THSD4: variants seen among roughly 807,000 people sequenced by gnomAD.
THSD4 encodes the protein thrombospondin type-1 domain-containing protein 4.
A neutral mutation model predicts 119.0 loss-of-function variants in THSD4; 69 were observed. The observed-to-expected ratio is 0.58, with a 90% CI of 0.48 to 0.71. The LOEUF is 0.71. Among genes scored for constraint, THSD4 ranks in the 30% least tolerant of loss-of-function variants. The pLI is 0.00. For missense variants in THSD4, 1,393 were observed against 1,391.1 expected (o/e 1.00, Z -0.02); for synonymous variants, 524 against 540.4 (o/e 0.97, Z 0.42).
chr15:71,216,099 A>G (rs1408285258), intron 4 of THSD4, among the ~76,000 whole-genome samples: 1 of 152,250 alleles, frequency 6.6e-6, no homozygotes, highest in Non-Finnish European at 1.5e-5. Flanking sequence ...AGCAATAGAT[A>G]CTAACAGATC....
At chr15:71,289,318 C>A (rs2044760262) in intron 6 of THSD4, among the ~76,000 whole-genome samples, 1 of 152,174 alleles carries the variant, frequency 6.6e-6, no homozygotes, top group Non-Finnish European at 1.5e-5. Flanking sequence ...TTGCTTACCC[C>A]TCTCTGAACG....
intron 7 of THSD4, among the ~76,000 whole-genome samples, chr15:71,521,801 G>GT (rs1235964956): frequency 6.6e-6 from 1 of 152,180 alleles, no homozygotes; most frequent in African/African-American, 2.4e-5. Context: ...ATAGACATGT[G>GT]TTTATCATTT....
At chr15:71,531,821 A>G (rs1044655288) in intron 7 of THSD4, among the ~76,000 whole-genome samples, 2 of 152,152 alleles carry the variant, frequency 1.3e-5, no homozygotes, top group Non-Finnish European at 2.9e-5. Flanking sequence ...CCAGCTGCCA[A>G]ATAAGAGAAG....
intron 3 of THSD4, chr15:71,186,994 C>T (rs1007013234): frequency 3.9e-5 from 6 of 152,166 alleles, no homozygotes; most frequent in African/African-American, 1.2e-4. Context: ...TGGGTACAAA[C>T]GAAAGCAAAC....
chr15:71,249,726 T>C (rs2044241251), intron 5 of THSD4, among the ~76,000 whole-genome samples: 3 of 152,244 alleles, frequency 2.0e-5, no homozygotes, highest in South Asian at 4.1e-4. Context: ...TATATCCTTG[T>C]CTGTCTCTCA....
intron 4 of THSD4, among the ~76,000 whole-genome samples, chr15:71,239,169 A>G (rs1283777683): frequency 6.6e-6 from 1 of 152,222 alleles, no homozygotes; most frequent in Non-Finnish European, 1.5e-5. Context: ...AATCTTTGTA[A>G]CTATCTATAA....
At chr15:71,114,806 G>C (rs1178510879), upstream of THSD4, 1 of 151,976 alleles carries the variant, frequency 6.6e-6, no homozygotes, top group African/African-American at 2.4e-5. Flanking sequence ...AAAGAATCCC[G>C]AACGGCTCTG....
At chr15:71,516,491 T>G (rs1181958555) in intron 7 of THSD4, among the ~76,000 whole-genome samples, 1 of 152,246 alleles carries the variant, frequency 6.6e-6, no homozygotes, top group Non-Finnish European at 1.5e-5. Context: ...TCTTACTCTT[T>G]GAGTCCATAG....
In THSD4 at chr15:71,687,085, C is replaced by T. The variant is rs895882173; in HGVS notation, c.1357+26351C>T. 5.9e-5 allele frequency among the ~76,000 whole-genome samples: 9 copies of T among 152,272 alleles called. 1 individual carries two copies. In the South Asian group the frequency reaches 1.0e-3, roughly 18 times the overall value. On this transcript the variant is annotated intron_variant, in intron 8 of 17. Coordinates refer to ENST00000261862, the MANE Select transcript of THSD4 (RefSeq NM_024817.3). ...TGGCTGGTACCAAAGCAGGATATCACGCTTCCTTCCAACATTTAGTTGATA... is the reference window on the plus strand; with the variant it reads ...TGGCTGGTACCAAAGCAGGATATCATGCTTCCTTCCAACATTTAGTTGATA...
chr15:71,356,564 G>A (rs1379350007), intron 6 of THSD4, among the ~76,000 whole-genome samples: 1 of 152,154 alleles, frequency 6.6e-6, no homozygotes, highest in East Asian at 1.9e-4. Flanking sequence ...GAAGAATGGA[G>A]AGAAGGAAGG....
At chr15:71,327,022 C>T (rs2045354635) in intron 6 of THSD4, among the ~76,000 whole-genome samples, 1 of 151,676 alleles carries the variant, frequency 6.6e-6, no homozygotes, top group Non-Finnish European at 1.5e-5. Flanking sequence ...CAAAAATTAG[C>T]TAGGCATGAT....
chr15:71,185,628 A>G (rs941884691), intron 3 of THSD4: 1 of 152,248 alleles, frequency 6.6e-6, no homozygotes, highest in African/African-American at 2.4e-5. Flanking sequence ...TCTGAGTAGC[A>G]TCGAGAACAT....
At chr15:71,534,307 A>G in intron 7 of THSD4, among the ~76,000 whole-genome samples, 1 of 152,216 alleles carries the variant, frequency 6.6e-6, no homozygotes, top group East Asian at 1.9e-4. Context: ...GTGTCAGACT[A>G]CCTGTTTCCC....
chr15:71,760,315 G>A (rs1265375796), intron 15 of THSD4, among the ~76,000 whole-genome samples: 3 of 152,216 alleles, frequency 2.0e-5, no homozygotes, highest in African/African-American at 7.2e-5. Context: ...TGTGCAAAAA[G>A]CCAGTCTGAG....
At chr15:71,342,267 G>C (rs1462467142) in intron 6 of THSD4, 1 of 175,180 alleles carries the variant, frequency 5.7e-6, no homozygotes, top group African/African-American at 2.4e-5. Flanking sequence ...AACAGAGAGA[G>C]TTTGTGTTAC....
At chr15:71,224,763 A>G (rs528380223) in intron 4 of THSD4, among the ~76,000 whole-genome samples, 9 of 151,872 alleles carry the variant, frequency 5.9e-5, no homozygotes, top group Non-Finnish European at 1.0e-4. Flanking sequence ...CCATCACTCT[A>G]ATCTCTTGCT....
intron 3 of THSD4, among the ~76,000 whole-genome samples, chr15:71,165,939 T>G (rs1176993071): frequency 3.3e-5 from 5 of 152,022 alleles, no homozygotes. Flanking sequence ...AGGGTGTGTG[T>G]GGGGTGCCTG....
chr15:71,104,455 A>G (rs180808355), intron 1 of THSD4, among the ~76,000 whole-genome samples: 7 of 152,326 alleles, frequency 4.6e-5, no homozygotes, highest in Admixed American at 4.6e-4. Flanking sequence ...GGAGCTAAGC[A>G]TCAGATCCCA....
Position 71,777,407 on chromosome 15 carries a change from A to G in THSD4, c.*33A>G. On this transcript the variant is annotated 3_prime_UTR_variant, in exon 18 of 18. Transcript: ENST00000261862. ...GCACCCCCATCAGTAGGGCAGCATC[A>G]CTGCCTTCCCGGGGGCTTCAGCAGT... 1 of 1,601,292 alleles carries G rather than the reference A, an allele frequency of 6.2e-7. No individual in the cohort carries two copies. The highest frequency in any genetic ancestry group is 8.5e-7 in the Non-Finnish European group (1 of 1,175,138).
Sources: allele counts gnomAD v4.1 joint callset (sites outside exome capture counted in the v4.1 genomes callset), GRCh38; gene constraint gnomAD v4.1.1; transcripts MANE v1.5; gene names NCBI Gene and HGNC (gene_info 2026-07-23, HGNC 2026-07-21).